LSM1: variants seen among roughly 807,000 people sequenced by gnomAD.
LSM1 encodes the protein U6 snRNA-associated Sm-like protein LSm1.
A neutral mutation model predicts 18.0 loss-of-function variants in LSM1; 13 were observed. The observed-to-expected ratio is 0.72, with a 90% CI of 0.47 to 1.15. The LOEUF (loss-of-function observed/expected upper bound fraction) is 1.15, where lower values mean the gene tolerates loss of function less well. Among genes scored for constraint, LSM1 ranks in the 50% most tolerant of loss-of-function variants. The pLI, the probability that LSM1 is intolerant of heterozygous loss-of-function variation, is 0.00. For missense variants in LSM1, 152 were observed against 157.7 expected, an observed-to-expected ratio of 0.96 and a Z score of 0.19; for synonymous variants, 46 against 56.0, an observed-to-expected ratio of 0.82 and a Z score of 0.80.
At chr8:38,168,459 C>T (rs1469285645) in intron 3 of LSM1, among the ~76,000 whole-genome samples, 8 of 151,240 alleles carry the variant, frequency 5.3e-5, no homozygotes, top group Non-Finnish European at 7.4e-5. Flanking sequence ...GGCTTGGTTG[C>T]GGGCACCTGT....
chr8:38,165,386 A>C (rs1415961898), intron 3 of LSM1, among the ~76,000 whole-genome samples: 1 of 151,910 alleles, frequency 6.6e-6, no homozygotes, highest in Non-Finnish European at 1.5e-5. Flanking sequence ...CCTAATAAAA[A>C]ATTCCTTATT....
chr8:38,167,154 A>T (rs1358943217), intron 3 of LSM1, among the ~76,000 whole-genome samples: 1 of 152,122 alleles, frequency 6.6e-6, no homozygotes. Flanking sequence ...CCAAACCATA[A>T]CATATTTTTT....
At chr8:38,172,322 T>C (rs1348397931) in intron 1 of LSM1, among the ~76,000 whole-genome samples, 1 of 138,776 alleles carries the variant, frequency 7.2e-6, no homozygotes, top group Non-Finnish European at 1.5e-5. Context: ...TTTTCCTTTT[T>C]TCTTTTTTTT....
chr8:38,175,619 A>C (rs1295064587), intron 1 of LSM1, among the ~76,000 whole-genome samples: 1 of 152,180 alleles, frequency 6.6e-6, no homozygotes, highest in African/African-American at 2.4e-5. Context: ...CCGGACAAAA[A>C]CCAGGAATAA....
upstream of LSM1, chr8:38,176,499 T>A (rs945826826): frequency 3.4e-6 from 2 of 593,006 alleles, no homozygotes; most frequent in East Asian, 2.8e-5. Context: ...ATATTACCCT[T>A]ACCCACTTCC....
rs1266081384 is a variant in LSM1 at position 38,176,484 on chromosome 8, C to T, written c.-164G>A. The T allele has an allele frequency of 4.0e-5, 25 of 626,488 alleles. No individual in the cohort carries two copies. Among genetic ancestry groups the T allele is most frequent in the Non-Finnish European group, 6.2e-5 (22 of 354,332 alleles). 38.8% of individuals were successfully genotyped at this position (626,488 alleles called of 1,614,324 possible). ...CAGCCGCCGGGGGCTGCCGGAAGCT[C>T]CTCCATATTACCCTTACCCACTTCC... On this transcript the variant is annotated 5_prime_UTR_variant, in exon 1 of 4. Coordinates refer to ENST00000311351, the MANE Select transcript of LSM1 (RefSeq NM_014462.3).
intron 1 of LSM1, among the ~76,000 whole-genome samples, chr8:38,175,329 A>G (rs1803111308): frequency 6.6e-6 from 1 of 152,048 alleles, no homozygotes; most frequent in South Asian, 2.1e-4. Context: ...CGGCCCCCCA[A>G]AGTGCTGGGA....
chr8:38,170,255 T>C (rs953629171), intron 2 of LSM1, among the ~76,000 whole-genome samples: 1 of 152,162 alleles, frequency 6.6e-6, no homozygotes, highest in African/African-American at 2.4e-5. Flanking sequence ...GCCAGGCTGG[T>C]CTTGAACTCC....
intron 1 of LSM1, among the ~76,000 whole-genome samples, chr8:38,174,590 GA>G (rs1239185065): frequency 6.6e-6 from 1 of 152,100 alleles, no homozygotes; most frequent in Non-Finnish European, 1.5e-5. Context: ...TATATAAGGA[GA>G]GATGAGGGCA....
At chr8:38,173,376 C>T (rs1204217977) in intron 1 of LSM1, among the ~76,000 whole-genome samples, 3 of 115,004 alleles carry the variant, frequency 2.6e-5, no homozygotes, top group Admixed American at 2.0e-4. Context: ...AGGAAGGGGG[C>T]GGGGGGGGAG....
chr8:38,173,832 G>A (rs1314988399), intron 1 of LSM1, among the ~76,000 whole-genome samples: 1 of 152,152 alleles, frequency 6.6e-6, no homozygotes, highest in African/African-American at 2.4e-5. Flanking sequence ...TCTACAAAGA[G>A]GTGATATAAA....
intron 3 of LSM1, among the ~76,000 whole-genome samples, chr8:38,164,423 TA>T (rs34599833): frequency 0.18 from 27,233 of 148,056 alleles, 3,107 homozygotes; most frequent in East Asian, 0.32. Context: ...TTAATTTCCT[TA>T]AAAAAAAAAA....
At chr8:38,168,786 ATAT>A (rs1205603237) in intron 3 of LSM1, among the ~76,000 whole-genome samples, 3 of 152,038 alleles carry the variant, frequency 2.0e-5, no homozygotes, top group Non-Finnish European at 1.5e-5. Context: ...ATATATTCAT[ATAT>A]TTCATATACT....
At chr8:38,167,161 T>G (rs756987340) in intron 3 of LSM1, among the ~76,000 whole-genome samples, 1 of 152,138 alleles carries the variant, frequency 6.6e-6, no homozygotes, top group Non-Finnish European at 1.5e-5. Context: ...ATAACATATT[T>G]TTTTAAAAAA....
chr8:38,166,314 C>T (rs1802928894), intron 3 of LSM1, among the ~76,000 whole-genome samples: 1 of 152,122 alleles, frequency 6.6e-6, no homozygotes, highest in African/African-American at 2.4e-5. Flanking sequence ...GAGATGGGGT[C>T]TTGCTATGTT....
intron 1 of LSM1, chr8:38,175,956 GCC>G (rs77263158): frequency 1.7e-5 from 5 of 286,762 alleles, no homozygotes; most frequent in Admixed American, 5.4e-5. Flanking sequence ...CGGGGGAGAA[GCC>G]CCCCCCCTCC....
At chr8:38,164,444 C>A (rs978679795) in intron 3 of LSM1, among the ~76,000 whole-genome samples, 3 of 151,542 alleles carry the variant, frequency 2.0e-5, no homozygotes, top group Non-Finnish European at 4.4e-5. Context: ...ATTAGGGCTG[C>A]TTATAGACAG....
chr8:38,171,686 A>G (rs1803032900), intron 2 of LSM1, among the ~76,000 whole-genome samples: 1 of 152,020 alleles, frequency 6.6e-6, no homozygotes, highest in South Asian at 2.1e-4. Flanking sequence ...ACAAAACAAA[A>G]CAAGCCTCTT....
At chr8:38,168,667 A>G (rs900723450) in intron 3 of LSM1, among the ~76,000 whole-genome samples, 1 of 151,692 alleles carries the variant, frequency 6.6e-6, no homozygotes, top group Admixed American at 6.6e-5. Flanking sequence ...CACTGAACTA[A>G]AAGTACAAAC....
Sources: gnomAD v4.1 joint callset for allele counts (sites outside exome capture counted in the v4.1 genomes callset) on GRCh38, gnomAD v4.1.1 for gene constraint, MANE v1.5 for transcripts, NCBI Gene and HGNC (gene_info 2026-07-23, HGNC 2026-07-21) for gene names.